CHRNA5: variants seen among roughly 807,000 people sequenced by gnomAD.
CHRNA5 encodes the protein neuronal acetylcholine receptor subunit alpha-5.
CHRNA5 carries 28 observed loss-of-function variants against 41.2 expected under a neutral mutation model. The observed-to-expected ratio is 0.68, with a 90% CI of 0.50 to 0.93. CHRNA5 has a LOEUF of 0.93. Ranked by LOEUF, CHRNA5 falls within the 40% of genes least tolerant of loss-of-function variation. The pLI is 0.00. For missense variants in CHRNA5, 481 were observed against 581.9 expected (o/e 0.83, Z 1.78); for synonymous variants, 188 against 205.8 (o/e 0.91, Z 0.74).
exon 5 of CHRNA5, chr15:78,590,525 G>A: frequency 6.2e-7 from 1 of 1,614,186 alleles, no homozygotes; most frequent in Non-Finnish European, 8.5e-7. Context: ...CTCAGAAAGA[G>A]GAAACTGAGA....
intron 1 of CHRNA5, among the ~76,000 whole-genome samples, chr15:78,578,605 G>A (rs1313038129): frequency 4.6e-5 from 7 of 152,160 alleles, no homozygotes; most frequent in Admixed American, 1.3e-4. Flanking sequence ...TTATGAAAAA[G>A]AGAACCAGGA....
chr15:78,582,710 G>A (rs1177388758), intron 2 of CHRNA5, among the ~76,000 whole-genome samples: 1 of 152,174 alleles, frequency 6.6e-6, no homozygotes, highest in Non-Finnish European at 1.5e-5. Flanking sequence ...GGGTTTCAAC[G>A]TGGCAGAGAG....
At chr15:78,583,847 A>G (rs907205814) in intron 2 of CHRNA5, among the ~76,000 whole-genome samples, 2 of 152,196 alleles carry the variant, frequency 1.3e-5, no homozygotes, top group African/African-American at 4.8e-5. Flanking sequence ...AGATGAGAAC[A>G]AGGATGTCCA....
At chr15:78,593,124 T>G in exon 6 of CHRNA5, 1 of 1,613,058 alleles carries the variant, frequency 6.2e-7, no homozygotes, top group Non-Finnish European at 8.5e-7. Context: ...TAGCCCAGGT[T>G]CTTGATCGGA....
intron 1 of CHRNA5, among the ~76,000 whole-genome samples, chr15:78,572,799 G>GA (rs1199554456): frequency 6.6e-6 from 1 of 152,088 alleles, no homozygotes; most frequent in East Asian, 1.9e-4. Context: ...AGTATTGAAT[G>GA]AAAAAAAGTT....
At chr15:78,570,450 A>ATTTTTTTTTTTTTTTTTTTTTTTTT (rs2052793367) in intron 1 of CHRNA5, among the ~76,000 whole-genome samples, 1 of 60,634 alleles carries the variant, frequency 1.6e-5, no homozygotes. Context: ...TTTTTTTTTT[A>ATTTTTTTTTTTTTTTTTTTTTTTTT]GTAAAGACAG....
chr15:78,585,855 GCTCA>G (rs1189285033), intron 2 of CHRNA5, among the ~76,000 whole-genome samples: 1 of 147,588 alleles, frequency 6.8e-6, no homozygotes, highest in East Asian at 2.0e-4. Context: ...CATGATCTTG[GCTCA>G]CTGCAACCTC....
intron 2 of CHRNA5, among the ~76,000 whole-genome samples, chr15:78,582,648 A>G (rs1264571377): frequency 2.0e-5 from 3 of 152,194 alleles, no homozygotes; most frequent in Non-Finnish European, 4.4e-5. Context: ...GACCTTATCA[A>G]AGAAGGTAGG....
At position 78,589,720 on chromosome 15, in the gene CHRNA5, CCTG is replaced by C. The variant is rs1011120909; in HGVS notation, c.414-82_414-80del. The C allele has an allele frequency of 1.7e-5, 18 of 1,064,774 alleles. 1 individual carries two copies. The African/African-American group carries it at 2.7e-4, about 16-fold the overall frequency. 66.0% of individuals were successfully genotyped at this position (1,064,774 alleles called of 1,614,324 possible). ...ATTATTTCATGCAATCAATGATAGG[CCTG>C]CTTTTATATTAGGCTTATATTAATA... On this transcript the variant is annotated intron_variant, in intron 4 of 5. Transcript: ENST00000299565.
chr15:78,575,780 AG>A (rs1264224157), intron 1 of CHRNA5, among the ~76,000 whole-genome samples: 2 of 152,242 alleles, frequency 1.3e-5, no homozygotes, highest in African/African-American at 4.8e-5. Flanking sequence ...TCACAGATGA[AG>A]AAAAATCATA....
chr15:78,590,773 A>G, intron 5 of CHRNA5, 137 bp downstream of exon 5: 2 of 705,710 alleles, frequency 2.8e-6, no homozygotes, highest in Non-Finnish European at 4.6e-6. Context: ...TTGTTGACAT[A>G]TTTTCTATAA....
At chr15:78,584,532 C>T (rs776223670) in intron 2 of CHRNA5, among the ~76,000 whole-genome samples, 9 of 152,150 alleles carry the variant, frequency 5.9e-5, no homozygotes, top group Admixed American at 5.9e-4. Flanking sequence ...GGCGGTATCC[C>T]TTATGGTAAT....
At chr15:78,579,143 G>A (rs966180605) in intron 1 of CHRNA5, among the ~76,000 whole-genome samples, 1 of 151,312 alleles carries the variant, frequency 6.6e-6, no homozygotes, top group Non-Finnish European at 1.5e-5. Flanking sequence ...ATTTTTGAAC[G>A]GGAATTCCTC....
At chr15:78,570,186 A>G (rs533045874) in intron 1 of CHRNA5, among the ~76,000 whole-genome samples, 9 of 152,146 alleles carry the variant, frequency 5.9e-5, no homozygotes, top group Non-Finnish European at 1.0e-4. Flanking sequence ...TTTCTGTTCT[A>G]TGATGAAAAA....
intron 1 of CHRNA5, among the ~76,000 whole-genome samples, chr15:78,569,424 A>G (rs961084946): frequency 5.9e-5 from 9 of 151,660 alleles, no homozygotes; most frequent in Non-Finnish European, 1.2e-4. Flanking sequence ...GAGTTGTTAA[A>G]TATTGGAATT....
chr15:78,582,979 C>A (rs1220263596), intron 2 of CHRNA5, among the ~76,000 whole-genome samples: 1 of 152,146 alleles, frequency 6.6e-6, no homozygotes, highest in Non-Finnish European at 1.5e-5. Context: ...CTGTCAGACC[C>A]TTTGTGAAAT....
Position 78,593,081 on chromosome 15 carries a change from T to G in CHRNA5, c.1246-11T>G. On this transcript the variant is annotated splice_polypyrimidine_tract_variant and intron_variant, in intron 5 of 5. Coordinates refer to ENST00000299565, the Ensembl canonical transcript of CHRNA5. ...CAATTATTTAATGCATTTTTATTTT[T>G]TTCCTAACAGGTTGTTGAAGATTGG... 1.3e-6 allele frequency: 2 copies of G among 1,597,470 alleles called. No homozygotes were observed. Among genetic ancestry groups the G allele is most frequent in the Non-Finnish European group, 1.7e-6 (2 of 1,174,668 alleles).
intron 4 of CHRNA5, chr15:78,589,083 T>G (rs958304238): frequency 1.3e-5 from 2 of 152,238 alleles, no homozygotes; most frequent in African/African-American, 4.8e-5. Flanking sequence ...TTTACCTCCA[T>G]GCTTCTTAAG....
chr15:78,570,754 A>G (rs1045271696), intron 1 of CHRNA5, among the ~76,000 whole-genome samples: 7 of 152,120 alleles, frequency 4.6e-5, no homozygotes, highest in African/African-American at 1.4e-4. Context: ...TTTACATTCA[A>G]CTGTATGTAT....
Sources: allele counts gnomAD v4.1 joint callset (sites outside exome capture counted in the v4.1 genomes callset), GRCh38; gene constraint gnomAD v4.1.1; transcripts MANE v1.5; gene names NCBI Gene and HGNC (gene_info 2026-07-23, HGNC 2026-07-21).